CYP39A1: variants seen among roughly 807,000 people sequenced by gnomAD.
CYP39A1 encodes the protein 24-hydroxycholesterol 7-alpha-hydroxylase.
Under a neutral mutation model 58.1 loss-of-function variants are expected in CYP39A1, and 49 were observed. The ratio of observed to expected loss-of-function variants is 0.84; its 90% CI spans 0.67 to 1.07. The LOEUF is 1.07. Ranked by LOEUF, CYP39A1 falls within the 50% of genes least tolerant of loss-of-function variation. The pLI, the probability that CYP39A1 is intolerant of heterozygous loss-of-function variation, is 0.00. For synonymous variants in CYP39A1, 209 were observed against 187.6 expected (o/e 1.11, Z -0.93); for missense variants, 531 against 539.4 (o/e 0.98, Z 0.16).
intron 8 of CYP39A1, among the ~76,000 whole-genome samples, chr6:46,590,852 T>C (rs971263200): frequency 4.6e-5 from 7 of 152,216 alleles, no homozygotes; most frequent in African/African-American, 1.7e-4. Context: ...TTATTGTATA[T>C]TCATGGTGAA....
chr6:46,596,857 C>T (rs2150525404), intron 7 of CYP39A1, among the ~76,000 whole-genome samples: 1 of 152,254 alleles, frequency 6.6e-6, no homozygotes, highest in East Asian at 1.9e-4. Flanking sequence ...AAAATGTTTG[C>T]ATTTTGAAAA....
chr6:46,626,799 G>A (rs1775335481), intron 6 of CYP39A1, among the ~76,000 whole-genome samples: 1 of 152,094 alleles, frequency 6.6e-6, no homozygotes, highest in African/African-American at 2.4e-5. Flanking sequence ...ATTAACTACA[G>A]ATAAAAGTGC....
intron 1 of CYP39A1, among the ~76,000 whole-genome samples, 196 bp from the exon 2 acceptor site, chr6:46,642,494 T>C (rs994143957): frequency 1.3e-5 from 2 of 152,212 alleles, no homozygotes; most frequent in African/African-American, 4.8e-5. Context: ...TGTCCTAATA[T>C]GTAATATTCC....
chr6:46,647,208 CAATCTA>C (rs1353263075), intron 1 of CYP39A1, among the ~76,000 whole-genome samples: 2 of 151,918 alleles, frequency 1.3e-5, no homozygotes, highest in Non-Finnish European at 2.9e-5. Flanking sequence ...TCATTTGGTT[CAATCTA>C]TCTTTTATTT....
At chr6:46,624,377 A>G (rs993431740) in intron 7 of CYP39A1, among the ~76,000 whole-genome samples, 3 of 152,198 alleles carry the variant, frequency 2.0e-5, no homozygotes, top group Non-Finnish European at 2.9e-5. Flanking sequence ...GTCTTCTCTT[A>G]TATTCACCAG....
At chr6:46,601,816 C>T (rs1051443991) in intron 7 of CYP39A1, among the ~76,000 whole-genome samples, 2 of 151,880 alleles carry the variant, frequency 1.3e-5, no homozygotes, top group African/African-American at 4.8e-5. Context: ...CCACCATGCC[C>T]GTCCTCAGGT....
At chr6:46,587,852 T>G (rs62401167) in intron 9 of CYP39A1, among the ~76,000 whole-genome samples, 182 bp downstream of exon 9, 4 of 152,204 alleles carry the variant, frequency 2.6e-5, no homozygotes, top group Admixed American at 2.6e-4. Context: ...TCTAACTGAT[T>G]TGTAAATGTT....
rs377251792 is a variant in CYP39A1 at position 46,638,043 on chromosome 6, A to G, written c.489-65T>C. 24 of 1,497,128 alleles carry G rather than the reference A, an allele frequency of 1.6e-5. No homozygotes were observed. The African/African-American group carries it at 3.0e-4, about 19-fold the overall frequency. The allele number at this position is 1,497,128 out of a possible 1,614,324, so 92.7% of individuals were successfully genotyped here. On this transcript the variant is annotated intron_variant, in intron 3 of 11. Coordinates refer to ENST00000275016, the MANE Select transcript of CYP39A1 (RefSeq NM_016593.5). ...CCAAAGAAGAAAGGCAAAGGATACA[A>G]AGCAAGGCATTATTTCATAGCAATA...
chr6:46,569,650 T>C (rs1291670544), intron 10 of CYP39A1, among the ~76,000 whole-genome samples: 1 of 152,152 alleles, frequency 6.6e-6, no homozygotes, highest in Admixed American at 6.5e-5. Flanking sequence ...TGCTTTTCCT[T>C]TTGTTAATGT....
At position 46,622,066 on chromosome 6, in the gene CYP39A1, A is replaced by C. The variant is rs192722460; in HGVS notation, c.931+3352T>G. 4.4e-3 allele frequency among the ~76,000 whole-genome samples: 673 copies of C among 152,266 alleles called. 2 individuals carry two copies. The highest frequency in any genetic ancestry group is 6.7e-3 in the Non-Finnish European group (459 of 68,002). On this transcript the variant is annotated intron_variant, in intron 7 of 11. Transcript: ENST00000275016. ...AACTGTACACTAGACGAAAGGAGCC[A>C]GACACAAAGGACCACATATCATATG...
chr6:46,607,962 G>C (rs896413683), intron 7 of CYP39A1, among the ~76,000 whole-genome samples: 1 of 152,102 alleles, frequency 6.6e-6, no homozygotes, highest in African/African-American at 2.4e-5. Flanking sequence ...ATATAAAGTT[G>C]AAGTGTGTGC....
chr6:46,603,991 T>C (rs923985900), intron 7 of CYP39A1, among the ~76,000 whole-genome samples: 34 of 152,208 alleles, frequency 2.2e-4, no homozygotes, highest in Admixed American at 1.1e-3. Flanking sequence ...ATGCCTAGCA[T>C]AGTATCTGGA....
intron 10 of CYP39A1, among the ~76,000 whole-genome samples, chr6:46,566,834 TTATA>T (rs3085574): frequency 3.3e-5 from 5 of 149,346 alleles, no homozygotes; most frequent in South Asian, 2.1e-4. Context: ...AATGAGATGA[TTATA>T]TATATATATA....
At chr6:46,643,128 A>G (rs1472387705) in intron 1 of CYP39A1, among the ~76,000 whole-genome samples, 1 of 152,152 alleles carries the variant, frequency 6.6e-6, no homozygotes, top group African/African-American at 2.4e-5. Flanking sequence ...ACAGGGTTTG[A>G]TAGCAGGGGT....
intron 10 of CYP39A1, among the ~76,000 whole-genome samples, chr6:46,562,099 T>G (rs1024025464): frequency 8.0e-5 from 12 of 149,116 alleles, no homozygotes; most frequent in African/African-American, 2.8e-4. Context: ...CTTGGCTCAC[T>G]GCAACCTCCG....
chr6:46,637,691 C>T (rs1314350385), intron 4 of CYP39A1, 138 bp downstream of exon 4: 1 of 844,714 alleles, frequency 1.2e-6, no homozygotes, highest in Non-Finnish European at 1.8e-6. Flanking sequence ...ATACAGACAC[C>T]AAAAACAAAC....
chr6:46,597,285 GCTCTT>G (rs1773226694), intron 7 of CYP39A1, among the ~76,000 whole-genome samples: 1 of 152,064 alleles, frequency 6.6e-6, no homozygotes, highest in African/African-American at 2.4e-5. Flanking sequence ...CTAAGGCGCA[GCTCTT>G]GCTTGCAATA....
At chr6:46,579,887 T>A (rs1458845508) in intron 10 of CYP39A1, among the ~76,000 whole-genome samples, 1 of 152,134 alleles carries the variant, frequency 6.6e-6, no homozygotes, top group Admixed American at 6.6e-5. Flanking sequence ...TGTTCCATGC[T>A]CATAGATAGG....
At position 46,589,346 on chromosome 6, in the gene CYP39A1, G is replaced by A. The variant is rs562390275; in HGVS notation, c.1066-1217C>T. On this transcript the variant is annotated intron_variant, in intron 8 of 11. Transcript: ENST00000275016. The stretch of plus-strand genomic sequence containing the variant: ...GGTGCACCTGTAGTCTCAGCTACTT[G>A]GGTGGTTGAGACAGGAGGATTGCTT... Among the ~76,000 whole-genome samples, 36 of 152,166 alleles carry A rather than the reference G, an allele frequency of 2.4e-4. No homozygotes were observed. In the East Asian group the frequency reaches 5.6e-3, roughly 24 times the overall value.
Sources: allele counts gnomAD v4.1 joint callset (sites outside exome capture counted in the v4.1 genomes callset), GRCh38; gene constraint gnomAD v4.1.1; transcripts MANE v1.5; gene names NCBI Gene and HGNC (gene_info 2026-07-23, HGNC 2026-07-21).